CERS6: variants seen among roughly 807,000 people sequenced by gnomAD.
CERS6 encodes the protein LAG1 homolog, ceramide synthase 6.
CERS6 carries 26 observed loss-of-function variants against 56.8 expected under a neutral mutation model. That is an observed-to-expected ratio of 0.46 (90% confidence interval 0.34 to 0.63). CERS6 has a LOEUF of 0.63. CERS6 is among the 30% of genes least tolerant of loss of function. The probability of loss-of-function intolerance (pLI) is 0.01; values close to 1 mark genes in which losing one functional copy is unlikely to be tolerated. For synonymous variants in CERS6, 164 were observed against 173.3 expected (o/e 0.95, Z 0.42); for missense variants, 415 against 467.5 (o/e 0.89, Z 1.04).
intron 1 of CERS6, among the ~76,000 whole-genome samples, chr2:168,481,909 C>T (rs757841938): frequency 2.0e-5 from 3 of 152,094 alleles, no homozygotes; most frequent in Non-Finnish European, 4.4e-5. Flanking sequence ...AAGTTATTTC[C>T]CTTTAGAAAA....
intron 1 of CERS6, among the ~76,000 whole-genome samples, chr2:168,517,793 G>GT (rs1694910397): frequency 6.6e-6 from 1 of 152,194 alleles, no homozygotes; most frequent in African/African-American, 2.4e-5. Flanking sequence ...GTCTGAGAGT[G>GT]TAAGAGGTTA....
chr2:168,644,067 G>C, intron 4 of CERS6: 1 of 984,214 alleles, frequency 1.0e-6, no homozygotes, highest in Non-Finnish European at 1.2e-6. Context: ...CTGTGGAAAG[G>C]TCACATATTC....
intron 9 of CERS6, 22 bp from the exon 10 acceptor site, chr2:168,769,488 C>T (rs1481824127): frequency 6.4e-7 from 1 of 1,559,184 alleles, no homozygotes; most frequent in Admixed American, 2.1e-5. Flanking sequence ...GCTGGTTATA[C>T]TCACCTGCTT....
intron 8 of CERS6, among the ~76,000 whole-genome samples, chr2:168,718,972 C>G (rs1252501918): frequency 6.6e-6 from 1 of 152,158 alleles, no homozygotes; most frequent in Admixed American, 6.5e-5. Context: ...AGTACTTGCC[C>G]CCATCTGTGT....
chr2:168,617,752 C>CA (rs950424008), intron 3 of CERS6, among the ~76,000 whole-genome samples: 1 of 151,414 alleles, frequency 6.6e-6, no homozygotes, highest in African/African-American at 2.4e-5. Context: ...AGCTTAGCAA[C>CA]AAAAAAAAGT....
intron 3 of CERS6, among the ~76,000 whole-genome samples, chr2:168,584,554 A>C (rs1461237713): frequency 2.0e-5 from 3 of 152,200 alleles, no homozygotes; most frequent in Admixed American, 6.5e-5. Context: ...TTATTTTTAC[A>C]CAATTTCCCT....
chr2:168,504,504 G>A (rs1694640950), intron 1 of CERS6, among the ~76,000 whole-genome samples: 1 of 152,192 alleles, frequency 6.6e-6, no homozygotes, highest in South Asian at 2.1e-4. Flanking sequence ...GAAGGACTGT[G>A]CAGGTGAACT....
At chr2:168,538,562 CCTT>C (rs1178927966) in intron 1 of CERS6, among the ~76,000 whole-genome samples, 3 of 152,204 alleles carry the variant, frequency 2.0e-5, no homozygotes, top group African/African-American at 7.2e-5. Context: ...GTAGCCCTGT[CCTT>C]CTTAGCAGGC....
At chr2:168,481,948 G>T (rs1467999879) in intron 1 of CERS6, among the ~76,000 whole-genome samples, 1 of 152,176 alleles carries the variant, frequency 6.6e-6, no homozygotes, top group African/African-American at 2.4e-5. Flanking sequence ...TTGAATTTTT[G>T]AATAACTTCA....
intron 3 of CERS6, among the ~76,000 whole-genome samples, chr2:168,609,319 T>A (rs930476602): frequency 6.6e-6 from 1 of 152,184 alleles, no homozygotes; most frequent in Non-Finnish European, 1.5e-5. Flanking sequence ...TTACAAACTT[T>A]AAAAAAATCT....
At chr2:168,603,008 A>G (rs1023989665) in intron 3 of CERS6, among the ~76,000 whole-genome samples, 3 of 152,210 alleles carry the variant, frequency 2.0e-5, no homozygotes, top group African/African-American at 2.4e-5. Flanking sequence ...ACATAGCTCA[A>G]TTATCAGCAT....
At chr2:168,701,917 A>G (rs1476093233) in intron 6 of CERS6, among the ~76,000 whole-genome samples, 1 of 152,178 alleles carries the variant, frequency 6.6e-6, no homozygotes, top group Non-Finnish European at 1.5e-5. Context: ...CCTCCCATAT[A>G]CTTTAAATCA....
chr2:168,657,749 G>C (rs1332365900), intron 4 of CERS6, among the ~76,000 whole-genome samples: 1 of 152,220 alleles, frequency 6.6e-6, no homozygotes, highest in Non-Finnish European at 1.5e-5. Context: ...GGCCCACCAA[G>C]CCCACGCCCA....
At chr2:168,636,777 T>G (rs552516590) in intron 4 of CERS6, among the ~76,000 whole-genome samples, 1 of 152,298 alleles carries the variant, frequency 6.6e-6, no homozygotes, top group East Asian at 1.9e-4. Context: ...CCTCGTCCCT[T>G]TCATTTACCC....
chr2:168,729,286 CACTT>C (rs577489282), intron 8 of CERS6, among the ~76,000 whole-genome samples: 189 of 152,300 alleles, frequency 1.2e-3, no homozygotes, highest in African/African-American at 4.1e-3. Context: ...CCAGGCATCT[CACTT>C]ACTTGAGAGA....
intron 4 of CERS6, among the ~76,000 whole-genome samples, chr2:168,659,065 G>C (rs567875031): frequency 6.6e-6 from 1 of 152,152 alleles, no homozygotes; most frequent in Non-Finnish European, 1.5e-5. Context: ...GACAAGAATA[G>C]GTAAATTCCC....
intron 4 of CERS6, among the ~76,000 whole-genome samples, chr2:168,646,263 G>A (rs2105312164): frequency 6.6e-6 from 1 of 151,964 alleles, no homozygotes. Context: ...TCTCATCATG[G>A]TTTTTATTTG....
rs574443746 is a variant in CERS6, at chr2:168,706,941, A to G, written c.610-8060A>G. On this transcript the variant is annotated intron_variant, in intron 6 of 9. Transcript: ENST00000305747. ...CTGCCACTATAGCAAGAAAACTGCC[A>G]TAGACAATAAGAAAACAAATGGGCG... Among the ~76,000 whole-genome samples, 384 of 152,330 alleles carry G rather than the reference A, an allele frequency of 2.5e-3. 1 individual carries two copies. Among genetic ancestry groups the G allele is most frequent in the African/African-American group, 8.6e-3 (359 of 41,584 alleles).
At chr2:168,611,113 T>G (rs1050607118) in intron 3 of CERS6, among the ~76,000 whole-genome samples, 1 of 152,152 alleles carries the variant, frequency 6.6e-6, no homozygotes, top group Non-Finnish European at 1.5e-5. Context: ...CTGGCCTGAT[T>G]TTTATTTTTA....
Sources: gnomAD v4.1 joint callset for allele counts (sites outside exome capture counted in the v4.1 genomes callset) on GRCh38, gnomAD v4.1.1 for gene constraint, MANE v1.5 for transcripts, NCBI Gene and HGNC (gene_info 2026-07-23, HGNC 2026-07-21) for gene names.